Variants in CRLS1 observed in about 807,000 individuals in gnomAD.
CRLS1 encodes cardiolipin synthase (CMP-forming).
Under a neutral mutation model 37.0 loss-of-function variants are expected in CRLS1, and 24 were observed. That is an observed-to-expected ratio of 0.65 (90% CI 0.47 to 0.91). The LOEUF is 0.91. Among genes scored for constraint, CRLS1 ranks in the 40% least tolerant of loss-of-function variants. The pLI is 0.00. For missense variants in CRLS1, 373 were observed against 395.8 expected (o/e 0.94, Z 0.49); for synonymous variants, 135 against 159.7 (o/e 0.85, Z 1.17).
At chr20:6,030,673 C>G (rs527560200) in intron 3 of CRLS1, among the ~76,000 whole-genome samples, 1 of 151,808 alleles carries the variant, frequency 6.6e-6, no homozygotes, top group Non-Finnish European at 1.5e-5. Context: ...GAGCCGATAC[C>G]GTGCCACTGC....
chr20:6,006,810 G>GCCTCTGCATATT, intron 1 of CRLS1: 1 of 985,336 alleles, frequency 1.0e-6, no homozygotes, highest in Non-Finnish European at 1.2e-6. Flanking sequence ...TGGAAGGGCC[G>GCCTCTGCATATT]CCTCTGCATA....
At chr20:6,011,201 T>C (rs1189689060) in intron 2 of CRLS1, among the ~76,000 whole-genome samples, 1 of 152,194 alleles carries the variant, frequency 6.6e-6, no homozygotes, top group African/African-American at 2.4e-5. Flanking sequence ...TTGGTGCCTC[T>C]TCAAACTAAT....
intron 3 of CRLS1, among the ~76,000 whole-genome samples, chr20:6,029,558 C>T (rs1199455051): frequency 1.3e-5 from 2 of 152,016 alleles, no homozygotes; most frequent in African/African-American, 2.4e-5. Context: ...GGGGCTTCTC[C>T]GTGTTGGTCA....
intron 3 of CRLS1, among the ~76,000 whole-genome samples, chr20:6,027,238 C>G (rs1979782075): frequency 6.6e-6 from 1 of 152,020 alleles, no homozygotes; most frequent in African/African-American, 2.4e-5. Context: ...CACCCACCAC[C>G]ATGCCTGGCT....
In CRLS1 at chr20:6,037,408, A is replaced by T. The variant is rs1980636319; in HGVS notation, c.*250A>T. 7.1e-6 allele frequency: 2 copies of T among 282,212 alleles called. No individual in the cohort carries two copies. The highest frequency in any genetic ancestry group is 6.2e-5 in the East Asian group (1 of 16,150). 17.5% of individuals were successfully genotyped at this position (282,212 alleles called of 1,614,324 possible). ...AGAATTTTTAATCTTAGGTTTCTTG[A>T]TTAATTTATAAGAGATCAATTATTG... On this transcript the variant is annotated 3_prime_UTR_variant, in exon 7 of 7. Coordinates refer to ENST00000378863, the MANE Select transcript of CRLS1 (RefSeq NM_019095.6).
At chr20:6,012,392 G>A (rs1978393417) in intron 2 of CRLS1, among the ~76,000 whole-genome samples, 1 of 152,312 alleles carries the variant, frequency 6.6e-6, no homozygotes, top group East Asian at 1.9e-4. Context: ...CAGCCGTGGT[G>A]GGAGCTTAGA....
rs1980851754 is a variant in CRLS1 at position 6,039,762 on chromosome 20, AATGTG to A, written c.*2606_*2610del. 6.6e-6 allele frequency: 1 copy of A among 151,102 alleles called. No homozygotes were observed. Among genetic ancestry groups the A allele is most frequent in the Non-Finnish European group, 1.5e-5 (1 of 67,924 alleles). The allele number at this position is 151,102 out of a possible 1,614,324, so 9.4% of individuals were successfully genotyped here. A position where few individuals can be genotyped will look rare whatever the true frequency, so the allele number is the denominator to read the frequency against. ...TTTTGTTAAAAAAAAAAAAAAAGGAAATGTGAACAGAGAGAGAATGCCGTGAGATG... is the reference window on the plus strand; with the variant it reads ...TTTTGTTAAAAAAAAAAAAAAAGGAAAACAGAGAGAGAATGCCGTGAGATG... On this transcript the variant is annotated 3_prime_UTR_variant, in exon 7 of 7. Coordinates refer to ENST00000378863, the MANE Select transcript of CRLS1 (RefSeq NM_019095.6).
In CRLS1 at chr20:6,016,724, G is replaced by A. The variant is rs561172363; in HGVS notation, c.574+1234G>A. On this transcript the variant is annotated intron_variant, in intron 3 of 6. Coordinates refer to ENST00000378863, the MANE Select transcript of CRLS1 (RefSeq NM_019095.6). ...GCTGTGAGTTTTACTTATATGATTG[G>A]TGTAGGTTGCTTTCCAAGCTGAGAC... 3.6e-4 allele frequency among the ~76,000 whole-genome samples: 55 copies of A among 152,290 alleles called. 1 individual carries two copies. The highest frequency in any genetic ancestry group is 1.2e-3 in the African/African-American group (51 of 41,552).
chr20:6,034,429 A>G (rs1980399078), intron 5 of CRLS1, 35 bp from the exon 6 acceptor site: 1 of 1,443,708 alleles, frequency 6.9e-7, no homozygotes, highest in Non-Finnish European at 9.7e-7. Context: ...TCCAGTTGGC[A>G]CTATTCACTT....
At chr20:6,011,607 G>T (rs1473115609) in intron 2 of CRLS1, among the ~76,000 whole-genome samples, 4 of 10,090 alleles carry the variant, frequency 4.0e-4, no homozygotes, top group East Asian at 7.9e-3. Context: ...TTTTTTTTTT[G>T]GGGAGACTGA....
At chr20:6,029,358 CT>C (rs11087707) in intron 3 of CRLS1, among the ~76,000 whole-genome samples, 65,896 of 125,456 alleles carry the variant, frequency 0.53, 17,085 homozygotes, top group South Asian at 0.59. Context: ...ATTTGCTGCT[CT>C]TTTTTTTTTT....
chr20:6,006,222 G>T lies in CRLS1; in HGVS notation c.-25G>T, dbSNP rs2090051283. 4.1e-6 allele frequency: 5 copies of T among 1,210,174 alleles called. No individual in the cohort carries two copies. Among genetic ancestry groups the T allele is most frequent in the Non-Finnish European group, 5.1e-6 (5 of 971,400 alleles). 75.0% of individuals were successfully genotyped at this position (1,210,174 alleles called of 1,614,324 possible). ...AGGCTGCTGAGCTCTCGCCGCCCGA[G>T]ACCCCGCGGCGCGGCCGCAGGGCCA... On this transcript the variant is annotated 5_prime_UTR_variant, in exon 1 of 7. Coordinates refer to ENST00000378863, the MANE Select transcript of CRLS1 (RefSeq NM_019095.6).
intron 1 of CRLS1, chr20:6,007,240 A>G: frequency 6.6e-7 from 1 of 1,507,040 alleles, no homozygotes. Flanking sequence ...TGGCCCCTGT[A>G]CTGCTTTCAT....
In CRLS1 at chr20:6,006,378, C is replaced by T. The variant is rs1440073049; in HGVS notation, c.132C>T (p.Cys44=). The T allele has an allele frequency of 3.6e-6, 5 of 1,406,584 alleles. No homozygotes were observed. The highest frequency in any genetic ancestry group is 1.5e-5 in the African/African-American group (1 of 67,416). The allele number at this position is 1,406,584 out of a possible 1,614,324, so 87.1% of individuals were successfully genotyped here. The change falls in exon 1 of 7, where the codon TGC becomes TGT. Residue 44 remains cysteine (C), a synonymous_variant. Coordinates refer to ENST00000378863, the MANE Select transcript of CRLS1 (RefSeq NM_019095.6). ...LLPPVPCCLG[C]LAERWRLRPA... ...CGCCCGTGCCCTGCTGCTTGGGCTG[C>T]CTGGCCGAACGCTGGAGGCTGCGTC...
In CRLS1 at chr20:6,006,317, G is replaced by T. The variant is rs1224313830; in HGVS notation, c.71G>T (p.Arg24Leu). ...LRGAAWAPGT[R>L]PSKRRACWAL... ...GGCGCCGCTTGGGCTCCGGGAACGC[G>T]GCCGAGTAAGCGACGCGCCTGCTGG... The change falls in exon 1 of 7, where the codon CGG (arginine) becomes CTG (leucine). Residue 24 changes from arginine to leucine, a missense_variant. By Grantham distance (102) the Arg-to-Leu change is moderately radical (BLOSUM62 -2). Coordinates refer to ENST00000378863, the MANE Select transcript of CRLS1 (RefSeq NM_019095.6). The T allele has an allele frequency of 1.5e-6, 2 of 1,333,556 alleles. No individual in the cohort carries two copies. Among genetic ancestry groups the T allele is most frequent in the Non-Finnish European group, 1.9e-6 (2 of 1,042,036 alleles). 82.6% of individuals were successfully genotyped at this position (1,333,556 alleles called of 1,614,324 possible). A position where few individuals can be genotyped will look rare whatever the true frequency, so the allele number is the denominator to read the frequency against.
intron 3 of CRLS1, among the ~76,000 whole-genome samples, chr20:6,027,277 G>A (rs1260988468): frequency 1.3e-5 from 2 of 151,814 alleles, no homozygotes; most frequent in Non-Finnish European, 2.9e-5. Context: ...TAGAGACAGG[G>A]TTTTACCATG....
chr20:6,032,860 T>C (rs1459211565), intron 5 of CRLS1, among the ~76,000 whole-genome samples: 1 of 152,072 alleles, frequency 6.6e-6, no homozygotes, highest in Non-Finnish European at 1.5e-5. Context: ...GGTAGTTGCT[T>C]CTATACAGAA....
At chr20:6,007,297 C>A in intron 1 of CRLS1, 1 of 1,572,498 alleles carries the variant, frequency 6.4e-7, no homozygotes, top group South Asian at 1.2e-5. Flanking sequence ...GCAGGGGTCT[C>A]AACTCCACTG....
At chr20:6,024,190 A>G (rs1356792454) in intron 3 of CRLS1, among the ~76,000 whole-genome samples, 2 of 152,106 alleles carry the variant, frequency 1.3e-5, no homozygotes, top group African/African-American at 4.8e-5. Context: ...TCCTGGGCTT[A>G]AGTGATCCTC....
Sources: gnomAD v4.1 joint callset for allele counts (sites outside exome capture counted in the v4.1 genomes callset) on GRCh38, gnomAD v4.1.1 for gene constraint, MANE v1.5 for transcripts, NCBI Gene and HGNC (gene_info 2026-07-23, HGNC 2026-07-21) for gene names.